SPAG16: variants seen among roughly 807,000 people sequenced by gnomAD.
SPAG16 encodes sperm-associated antigen 16 protein.
A neutral mutation model predicts 80.4 loss-of-function variants in SPAG16; 86 were observed. The observed-to-expected ratio is 1.07, with a 90% CI of 0.90 to 1.28. SPAG16 has a LOEUF of 1.28. SPAG16 is among the 50% of genes most tolerant of loss of function. The pLI, the probability that SPAG16 is intolerant of heterozygous loss-of-function variation, is 0.00. For synonymous variants in SPAG16, 294 were observed against 265.9 expected (o/e 1.11, Z -1.03); for missense variants, 870 against 765.3 (o/e 1.14, Z -1.61).
chr2:214,102,124 T>C (rs1248923643), intron 13 of SPAG16, among the ~76,000 whole-genome samples: 7 of 150,472 alleles, frequency 4.7e-5, no homozygotes, highest in Non-Finnish European at 1.0e-4. Context: ...TTGTTTTTTT[T>C]TTTTTGCAAT....
At chr2:213,385,645 C>T (rs1314382328) in intron 9 of SPAG16, among the ~76,000 whole-genome samples, 1 of 152,198 alleles carries the variant, frequency 6.6e-6, no homozygotes, top group East Asian at 1.9e-4. Flanking sequence ...TCTCATAAGA[C>T]AGAAGACTCT....
chr2:213,394,482 A>G (rs1420094906), intron 9 of SPAG16, among the ~76,000 whole-genome samples: 2 of 152,154 alleles, frequency 1.3e-5, no homozygotes, highest in Non-Finnish European at 2.9e-5. Context: ...TTGGAAAACT[A>G]TAATATAGTA....
intron 10 of SPAG16, among the ~76,000 whole-genome samples, chr2:213,770,063 G>A (rs1212770298): frequency 6.6e-6 from 1 of 152,006 alleles, no homozygotes; most frequent in Non-Finnish European, 1.5e-5. Flanking sequence ...TGTCCATGTT[G>A]TTGCTTATAT....
intron 13 of SPAG16, among the ~76,000 whole-genome samples, chr2:214,062,454 A>G (rs962432829): frequency 3.3e-5 from 5 of 149,736 alleles, no homozygotes; most frequent in African/African-American, 1.2e-4. Flanking sequence ...AGAAACCAAA[A>G]CCAACCGCCT....
chr2:213,563,045 A>T (rs2059645582), intron 10 of SPAG16, among the ~76,000 whole-genome samples: 1 of 152,184 alleles, frequency 6.6e-6, no homozygotes, highest in South Asian at 2.1e-4. Context: ...AGACATTTCA[A>T]CCATAGCAGT....
intron 10 of SPAG16, among the ~76,000 whole-genome samples, chr2:213,707,549 T>G (rs2065812096): frequency 6.6e-6 from 1 of 152,204 alleles, no homozygotes; most frequent in African/African-American, 2.4e-5. Context: ...AATTATTATT[T>G]TTTCATTGTG....
chr2:213,719,914 A>G (rs1292688464), intron 10 of SPAG16, among the ~76,000 whole-genome samples: 1 of 152,224 alleles, frequency 6.6e-6, no homozygotes, highest in Non-Finnish European at 1.5e-5. Flanking sequence ...ACTGTTCACA[A>G]TAGTAAAGAC....
At chr2:213,858,386 C>A (rs2075269986) in intron 10 of SPAG16, among the ~76,000 whole-genome samples, 1 of 152,182 alleles carries the variant, frequency 6.6e-6, no homozygotes, top group South Asian at 2.1e-4. Context: ...CAAGGCAAGA[C>A]CCTCCACCAG....
chr2:213,623,921 G>A (rs182816916), intron 10 of SPAG16, among the ~76,000 whole-genome samples: 63 of 152,000 alleles, frequency 4.1e-4, no homozygotes, highest in African/African-American at 1.3e-3. Flanking sequence ...AAAATTATAT[G>A]ATGCTAATTC....
chr2:214,075,454 G>A (rs1474177381), intron 13 of SPAG16, among the ~76,000 whole-genome samples: 2 of 152,094 alleles, frequency 1.3e-5, no homozygotes, highest in Admixed American at 1.3e-4. Context: ...GAAAGGGCAT[G>A]AAGGAGGCTT....
At chr2:214,326,668 G>A (rs1018153556) in intron 15 of SPAG16, among the ~76,000 whole-genome samples, 8 of 151,970 alleles carry the variant, frequency 5.3e-5, no homozygotes, top group African/African-American at 1.2e-4. Context: ...ACTTCCGGCC[G>A]GGCGCGGTGG....
At chr2:213,925,355 CTTT>C (rs35309095) in intron 11 of SPAG16, among the ~76,000 whole-genome samples, 6 of 141,668 alleles carry the variant, frequency 4.2e-5, no homozygotes, top group African/African-American at 2.6e-5. Flanking sequence ...TCTTTTCTTC[CTTT>C]TTTTTTTTTT....
At chr2:214,300,648 T>C (rs1298654153) in intron 15 of SPAG16, among the ~76,000 whole-genome samples, 1 of 152,074 alleles carries the variant, frequency 6.6e-6, no homozygotes, top group Non-Finnish European at 1.5e-5. Flanking sequence ...TGACACACAA[T>C]TTAACATGAT....
At chr2:213,417,509 A>G (rs2069327897) in intron 9 of SPAG16, among the ~76,000 whole-genome samples, 1 of 152,216 alleles carries the variant, frequency 6.6e-6, no homozygotes, top group South Asian at 2.1e-4. Flanking sequence ...GTAAATATTA[A>G]ATGGCTATAA....
At chr2:214,365,141 C>T (rs1057085148) in intron 15 of SPAG16, among the ~76,000 whole-genome samples, 8 of 152,064 alleles carry the variant, frequency 5.3e-5, no homozygotes, top group South Asian at 2.1e-4. Flanking sequence ...ACAGAAGGCG[C>T]GCTCCTGCTT....
chr2:213,830,884 G>A (rs2073599086), intron 10 of SPAG16, among the ~76,000 whole-genome samples: 1 of 151,984 alleles, frequency 6.6e-6, no homozygotes, highest in Admixed American at 6.6e-5. Flanking sequence ...TGTATTATAA[G>A]TGCTGTGTTT....
intron 10 of SPAG16, among the ~76,000 whole-genome samples, chr2:213,713,698 C>T (rs1357232066): frequency 6.6e-6 from 1 of 152,100 alleles, no homozygotes; most frequent in East Asian, 1.9e-4. Context: ...AAGAAAGAAG[C>T]TGTAATGACT....
At chr2:214,334,280 T>C (rs1254409598) in intron 15 of SPAG16, among the ~76,000 whole-genome samples, 1 of 152,242 alleles carries the variant, frequency 6.6e-6, no homozygotes, top group Non-Finnish European at 1.5e-5. Context: ...ACATATTGCC[T>C]TGCAAGACTC....
intron 13 of SPAG16, among the ~76,000 whole-genome samples, chr2:214,039,051 T>C (rs1213441227): frequency 1.3e-5 from 2 of 151,944 alleles, no homozygotes; most frequent in African/African-American, 4.8e-5. Context: ...CCTTTGGGTA[T>C]ATACCTAGTA....
Sources: gnomAD v4.1 joint callset for allele counts (sites outside exome capture counted in the v4.1 genomes callset) on GRCh38, gnomAD v4.1.1 for gene constraint, MANE v1.5 for transcripts, NCBI Gene and HGNC (gene_info 2026-07-23, HGNC 2026-07-21) for gene names.